Variants in FLNB observed in about 807,000 individuals in gnomAD.
FLNB encodes the protein filamin B.
FLNB carries 111 observed loss-of-function variants against 250.6 expected under a neutral mutation model. The observed-to-expected ratio is 0.44, with a 90% CI of 0.38 to 0.52. FLNB has a LOEUF of 0.52. FLNB is among the 20% of genes least tolerant of loss of function. The pLI is 0.00. For missense variants in FLNB, 2,869 were observed against 3,447.8 expected, an observed-to-expected ratio of 0.83 and a Z score of 4.20; for synonymous variants, 1,302 against 1,372.1, an observed-to-expected ratio of 0.95 and a Z score of 1.13.
chr3:58,016,283 G>C (rs2097105627), intron 1 of FLNB, among the ~76,000 whole-genome samples: 1 of 151,824 alleles, frequency 6.6e-6, no homozygotes, highest in Non-Finnish European at 1.5e-5. Context: ...TCGAACTCCT[G>C]ACCTCAGGTG....
chr3:58,088,959 G>A lies in FLNB; in HGVS notation c.788-5877G>A, dbSNP rs560643772. 3.0e-3 allele frequency among the ~76,000 whole-genome samples: 464 copies of A among 152,264 alleles called. 2 individuals are homozygous for A. Among genetic ancestry groups the A allele is most frequent in the Non-Finnish European group, 5.1e-3 (344 of 68,020 alleles). ...TCTTGAGCATCAGTCGAGGTTGAAT[G>A]GAGAGCCTAGACTTCTTCCCCCACT... On this transcript the variant is annotated intron_variant, in intron 4 of 45. Transcript: ENST00000295956.
intron 1 of FLNB, among the ~76,000 whole-genome samples, chr3:58,066,823 A>C (rs537302993): frequency 6.6e-5 from 10 of 152,266 alleles, no homozygotes; most frequent in Non-Finnish European, 1.3e-4. Flanking sequence ...TTTATGAAGC[A>C]GTACACCATC....
intron 1 of FLNB, among the ~76,000 whole-genome samples, chr3:58,033,412 C>G (rs545109932): frequency 4.7e-5 from 7 of 149,148 alleles, no homozygotes; most frequent in African/African-American, 1.7e-4. Flanking sequence ...TTTTTTGAGA[C>G]AAGAGTCTCA....
chr3:58,155,194 C>T (rs926429872), intron 40 of FLNB, among the ~76,000 whole-genome samples: 1 of 152,242 alleles, frequency 6.6e-6, no homozygotes, highest in African/African-American at 2.4e-5. Context: ...CACCAACCAG[C>T]CTCTGTCTGC....
chr3:58,040,893 T>C (rs2097145181), intron 1 of FLNB, among the ~76,000 whole-genome samples: 1 of 152,216 alleles, frequency 6.6e-6, no homozygotes, highest in Non-Finnish European at 1.5e-5. Flanking sequence ...TGTAAATCTT[T>C]ATTGTATTTT....
intron 39 of FLNB, 143 bp downstream of exon 39, chr3:58,153,784 A>G (rs2107289983): frequency 2.0e-6 from 2 of 1,000,640 alleles, no homozygotes; most frequent in Non-Finnish European, 3.0e-6. Flanking sequence ...ACAAGGCATC[A>G]TGACTAAGTC....
At chr3:58,031,953 G>GGGTCTT (rs2097131723) in intron 1 of FLNB, among the ~76,000 whole-genome samples, 1 of 151,796 alleles carries the variant, frequency 6.6e-6, no homozygotes, top group Admixed American at 6.6e-5. Context: ...GTTTGAGACA[G>GGGTCTT]GGTCTTGCTC....
In FLNB at chr3:58,170,659, A is replaced by G; in HGVS notation, c.7706A>G (p.Tyr2569Cys). 6.2e-7 allele frequency: 1 copy of G among 1,614,126 alleles called. No homozygotes were observed. The highest frequency in any genetic ancestry group is 8.5e-7 in the Non-Finnish European group (1 of 1,180,024). The part of the protein sequence containing the change: ...VSMKHVGNQQ[Y>C]NVTYVVKERG... ...ATGAAGCATGTAGGCAACCAGCAAT[A>G]CAACGTCACATACGTCGTCAAGGAG... is the stretch of plus-strand genomic sequence containing the variant. The change falls in exon 46 of 46, where the codon TAC (tyrosine) becomes TGC (cysteine). Residue 2569 changes from tyrosine (Y) to cysteine (C), a missense_variant. Physicochemically the swap from Tyr to Cys is radical, Grantham distance 194. Transcript: ENST00000295956.
At chr3:58,033,685 C>T (rs1448657431) in intron 1 of FLNB, among the ~76,000 whole-genome samples, 1 of 152,138 alleles carries the variant, frequency 6.6e-6, no homozygotes, top group Non-Finnish European at 1.5e-5. Context: ...GCCACTACGC[C>T]CTGCCAGTAT....
At chr3:58,024,598 A>G (rs1357716355) in intron 1 of FLNB, among the ~76,000 whole-genome samples, 8 of 151,900 alleles carry the variant, frequency 5.3e-5, no homozygotes, top group Non-Finnish European at 7.4e-5. Context: ...CCTACCTAAC[A>G]GACTCTTTTT....
intron 4 of FLNB, among the ~76,000 whole-genome samples, chr3:58,094,358 G>A (rs764295330): frequency 7.2e-5 from 11 of 152,296 alleles, no homozygotes; most frequent in Non-Finnish European, 1.0e-4. Context: ...ATGAGCCACC[G>A]CTCCCAGCAA....
intron 40 of FLNB, among the ~76,000 whole-genome samples, 157 bp from the exon 41 acceptor site, chr3:58,155,803 C>T (rs780637949): frequency 9.9e-5 from 15 of 152,138 alleles, no homozygotes; most frequent in South Asian, 2.1e-4. Flanking sequence ...GAAATCATAT[C>T]GGCCCAGCCT....
intron 18 of FLNB, among the ~76,000 whole-genome samples, chr3:58,116,159 A>G (rs1175754111): frequency 2.0e-5 from 3 of 151,938 alleles, no homozygotes; most frequent in Admixed American, 2.0e-4. Context: ...TCTCCTTTGA[A>G]CTCTGTTTTC....
intron 11 of FLNB, 118 bp from the exon 12 acceptor site, chr3:58,106,562 T>C (rs2097260146): frequency 1.4e-5 from 13 of 933,202 alleles, no homozygotes; most frequent in Non-Finnish European, 1.9e-5. Flanking sequence ...TACAAACAGA[T>C]TTCAATCTTC....
intron 26 of FLNB, among the ~76,000 whole-genome samples, 192 bp downstream of exon 26, chr3:58,133,123 CCA>C (rs2097310415): frequency 6.6e-6 from 1 of 152,066 alleles, no homozygotes. Context: ...TTTCATCATT[CCA>C]TCCATCCACC....
At position 58,008,448 on chromosome 3, in the gene FLNB, A is replaced by T; in HGVS notation, c.-117A>T. On this transcript the variant is annotated 5_prime_UTR_variant, in exon 1 of 46. Coordinates refer to ENST00000295956, the MANE Select transcript of FLNB (RefSeq NM_001457.4). The stretch of plus-strand genomic sequence containing the variant: ...GAGCAGCACCGGCCGTGGCTCCGGT[A>T]GCAGCAAGTTCGAACCCCGCTCCCG... 1 of 1,229,576 alleles carries T rather than the reference A, an allele frequency of 8.1e-7. No homozygotes were observed. The highest frequency in any genetic ancestry group is 1.3e-5 in the South Asian group (1 of 76,634). 76.2% of individuals were successfully genotyped at this position (1,229,576 alleles called of 1,614,324 possible).
intron 12 of FLNB, among the ~76,000 whole-genome samples, chr3:58,107,282 C>T (rs568194218): frequency 9.9e-5 from 15 of 152,170 alleles, no homozygotes; most frequent in East Asian, 3.9e-4. Context: ...CCACCCGCCT[C>T]GGCCCTCCCA....
intron 1 of FLNB, among the ~76,000 whole-genome samples, chr3:58,011,929 G>T (rs1206436650): frequency 3.3e-5 from 5 of 152,154 alleles, no homozygotes. Context: ...GTAATGCCAG[G>T]GCTGGATGCC....
chr3:58,109,666 C>G lies in FLNB; in HGVS notation c.2290C>G (p.His764Asp), dbSNP rs1021680336. ...RSGLKANEPT[H>D]FTVDCTEAGE... ...TGGTCTGAAGGCAAATGAACCTACACACTTCACGGTGGACTGTACTGAGGC... is the reference window on the plus strand; with the variant it reads ...TGGTCTGAAGGCAAATGAACCTACAGACTTCACGGTGGACTGTACTGAGGC... The change falls in exon 15 of 46, where the codon CAC (histidine) becomes GAC (aspartate). Residue 764 changes from histidine to aspartate, a missense_variant. His to Asp is a moderately conservative substitution (Grantham distance 81, BLOSUM62 -1). This residue lies in a region of FLNB where 1,348 missense variants were observed against 1,466.7 expected (regional missense o/e 0.92). Transcript: ENST00000295956. The G allele has an allele frequency of 1.4e-5, 23 of 1,614,008 alleles. No individual in the cohort carries two copies. The highest frequency in any genetic ancestry group is 8.3e-5 in the Admixed American group (5 of 60,000).
Sources: gnomAD v4.1 joint callset for allele counts (sites outside exome capture counted in the v4.1 genomes callset) on GRCh38, gnomAD v4.1.1 for gene constraint, gnomAD v4.1.1 regional missense constraint, MANE v1.5 for transcripts, NCBI Gene and HGNC (gene_info 2026-07-23, HGNC 2026-07-21) for gene names.